The following PHF6 variants were observed in gnomAD, a reference collection of about 807,000 sequenced individuals.
PHF6 encodes the protein PHD-like zinc finger protein.
In PHF6, 7 loss-of-function variants were observed where a neutral mutation model predicts 34.0. The observed-to-expected ratio is 0.21, with a 90% CI of 0.12 to 0.39. PHF6 has a LOEUF of 0.39. Among genes scored for constraint, PHF6 ranks in the 10% least tolerant of loss-of-function variants. PHF6 has a pLI of 1.00. For missense variants in PHF6, 128 were observed against 262.8 expected (o/e 0.49, Z 3.55); for synonymous variants, 89 against 88.4 (o/e 1.01, Z -0.04).
At chrX:134,388,043 A>G (rs1282863887) in intron 3 of PHF6, among the ~76,000 whole-genome samples, 1 of 111,958 alleles carries the variant, frequency 8.9e-6, no homozygotes, top group East Asian at 2.8e-4. Context: ...ATGAGTTCGT[A>G]TTCCACCCTC....
intron 5 of PHF6, among the ~76,000 whole-genome samples, chrX:134,406,643 G>A (rs1048707038): frequency 3.6e-5 from 4 of 111,418 alleles, no homozygotes; most frequent in Non-Finnish European, 7.5e-5. Flanking sequence ...TAATAGAGAG[G>A]GGCCTGGCCA....
intron 5 of PHF6, among the ~76,000 whole-genome samples, chrX:134,407,648 A>G (rs928186668): frequency 8.9e-6 from 1 of 112,572 alleles, no homozygotes; most frequent in African/African-American, 3.2e-5. Flanking sequence ...TATTGAAAGC[A>G]TCTTATGTGC....
chrX:134,401,503 C>T (rs997962467), intron 5 of PHF6, among the ~76,000 whole-genome samples: 2 of 111,763 alleles, frequency 1.8e-5, no homozygotes, highest in African/African-American at 6.5e-5. Flanking sequence ...GTGGTGACAT[C>T]ATGGCTGCAT....
chrX:134,404,650 G>GA (rs1328887173), intron 5 of PHF6, among the ~76,000 whole-genome samples: 3 of 111,631 alleles, frequency 2.7e-5, no homozygotes, highest in Admixed American at 9.6e-5. Flanking sequence ...TTTCACAAAA[G>GA]AAAGAGTCCA....
intron 5 of PHF6, among the ~76,000 whole-genome samples, chrX:134,410,481 T>C (rs1044790600): frequency 1.8e-4 from 20 of 111,629 alleles, no homozygotes; most frequent in Middle Eastern, 4.6e-3. Context: ...ACTATACTTA[T>C]TAACTACTTA....
chrX:134,385,996 A>G lies in PHF6; in HGVS notation c.241-7505A>G, dbSNP rs181209676. Reference sequence around the variant, plus strand: ...GTTTAACCTTAGAAGTATTTAAAGAATGGCACAGGAGAGCTGGGAAAGAGG... The same window carrying G: ...GTTTAACCTTAGAAGTATTTAAAGAGTGGCACAGGAGAGCTGGGAAAGAGG... On this transcript the variant is annotated intron_variant, in intron 3 of 10. Transcript: ENST00000370803. 3.6e-4 allele frequency among the ~76,000 whole-genome samples: 40 copies of G among 111,986 alleles called. No individual in the cohort carries two copies. The East Asian group carries it at 9.3e-3, about 26-fold the overall frequency.
chrX:134,400,484 T>G (rs5933409), intron 5 of PHF6, among the ~76,000 whole-genome samples: 2 of 98,264 alleles, frequency 2.0e-5, no homozygotes, highest in African/African-American at 7.8e-5. Flanking sequence ...AGATTGAAGG[T>G]AAAGGAAAAA....
At chrX:134,379,432 C>CTTTTTTTTTTTTTTTTTTTTTTT (rs34099570) in intron 3 of PHF6, among the ~76,000 whole-genome samples, 4 of 26,274 alleles carry the variant, frequency 1.5e-4, no homozygotes, top group African/African-American at 2.0e-4. Context: ...CTTTTCTTTT[C>CTTTTTTTTTTTTTTTTTTTTTTT]TTTTTTTTTT....
chrX:134,423,872 T>C (rs2124260047), intron 9 of PHF6, among the ~76,000 whole-genome samples: 1 of 110,318 alleles, frequency 9.1e-6, no homozygotes, highest in Non-Finnish European at 1.9e-5. Flanking sequence ...GACATAAAAC[T>C]GAGGAATCGC....
At chrX:134,423,505 G>A (rs1412124344) in intron 9 of PHF6, among the ~76,000 whole-genome samples, 2 of 111,781 alleles carry the variant, frequency 1.8e-5, no homozygotes, top group African/African-American at 3.3e-5. Context: ...CCATTGTGTA[G>A]GAATCTCACT....
In PHF6 at chrX:134,416,925, T is replaced by C. The variant is rs140724033; in HGVS notation, c.835-244T>C. 1.8e-3 allele frequency among the ~76,000 whole-genome samples: 200 copies of C among 112,241 alleles called. 1 individual carries two copies. The highest frequency in any genetic ancestry group is 3.0e-3 in the Non-Finnish European group (161 of 53,257). On this transcript the variant is annotated intron_variant, in intron 8 of 10. Coordinates refer to ENST00000370803, the MANE Select transcript of PHF6 (RefSeq NM_001015877.2). ...TTTGGCAGCATTGAGGAGAATCTTA[T>C]CTACATTTAGATGTCAGACCTGGGA...
chrX:134,426,489 T>C lies in PHF6; in HGVS notation c.*829T>C, dbSNP rs1445155221. 6.1e-6 allele frequency: 1 copy of C among 162,885 alleles called. No individual in the cohort carries two copies. The highest frequency in any genetic ancestry group is 1.2e-5 in the Non-Finnish European group (1 of 83,879). The allele number at this position is 162,885 out of a possible 1,213,427, so 13.4% of individuals were successfully genotyped here. On this transcript the variant is annotated 3_prime_UTR_variant, in exon 11 of 11. Coordinates refer to ENST00000370803, the MANE Select transcript of PHF6 (RefSeq NM_001015877.2). The stretch of plus-strand genomic sequence containing the variant: ...CCTGTTCCTCTCAAGTGCCCTGTTG[T>C]GTGGAACACTTCACATATTGGCGCA...
In PHF6 at chrX:134,426,673, C is replaced by T. The variant is rs760623011; in HGVS notation, c.*1013C>T. ...TATCTATAAAATAGGCTTTTGTGCC[C>T]TACTTTTCTTCTTGTAGGGCTTGGT... On this transcript the variant is annotated 3_prime_UTR_variant, in exon 11 of 11. Coordinates refer to ENST00000370803, the MANE Select transcript of PHF6 (RefSeq NM_001015877.2). The T allele has an allele frequency of 6.3e-6, 1 of 159,681 alleles. No homozygotes were observed. The highest frequency in any genetic ancestry group is 1.2e-5 in the Non-Finnish European group (1 of 82,410). The allele number at this position is 159,681 out of a possible 1,213,427, so 13.2% of individuals were successfully genotyped here. A position where few individuals can be genotyped will look rare whatever the true frequency, so the allele number is the denominator to read the frequency against.
At chrX:134,409,633 ATTTTGTTGGGTTTATTGTACCTTT>A (rs987735777) in intron 5 of PHF6, among the ~76,000 whole-genome samples, 40 of 107,333 alleles carry the variant, frequency 3.7e-4, no homozygotes, top group African/African-American at 1.4e-3. Flanking sequence ...TCTAACACGT[ATTTTGTTGGGTTTATTGTACCTTT>A]TTTTTTTTTA....
At chrX:134,380,688 A>C (rs890373651) in intron 3 of PHF6, among the ~76,000 whole-genome samples, 5 of 111,709 alleles carry the variant, frequency 4.5e-5, no homozygotes, top group African/African-American at 1.6e-4. Context: ...TAAGTTATTT[A>C]CTTCTCCAGG....
In PHF6 at chrX:134,406,061, T is replaced by TC. The variant is rs1491120309; in HGVS notation, c.419-7430_419-7429insC. ...TCAATCTTAATGCCTGTCCTTTTTCTTTTTCTTTCTTTCTTTCTTTCTTTC... is the reference window on the plus strand; with the variant it reads ...TCAATCTTAATGCCTGTCCTTTTTCTCTTTTCTTTCTTTCTTTCTTTCTTTC... On this transcript the variant is annotated intron_variant, in intron 5 of 10. Coordinates refer to ENST00000370803, the MANE Select transcript of PHF6 (RefSeq NM_001015877.2). Among the ~76,000 whole-genome samples, 774 of 77,634 alleles carry TC rather than the reference T, an allele frequency of 1.0e-2. 3 individuals carry two copies. The highest frequency in any genetic ancestry group is 0.031 in the South Asian group (46 of 1,479). 67.4% of individuals were successfully genotyped at this position (77,634 alleles called of 115,157 possible). A position where few individuals can be genotyped will look rare whatever the true frequency, so the allele number is the denominator to read the frequency against.
rs2077507571 is a variant in PHF6, at chrX:134,426,380, C to T, written c.*720C>T. On this transcript the variant is annotated 3_prime_UTR_variant, in exon 11 of 11. Transcript: ENST00000370803. The stretch of plus-strand genomic sequence containing the variant: ...ATTGAGTCCTTCAAGTTTAAACTAA[C>T]ATTTGGCAACAGCAAATTAAACGTT... 1 of 157,905 alleles carries T rather than the reference C, an allele frequency of 6.3e-6. No homozygotes were observed. The highest frequency in any genetic ancestry group is 1.2e-5 in the Non-Finnish European group (1 of 80,969). The allele number at this position is 157,905 out of a possible 1,213,427, so 13.0% of individuals were successfully genotyped here.
At chrX:134,374,781 T>C (rs1014227813) in intron 1 of PHF6, among the ~76,000 whole-genome samples, 4 of 112,485 alleles carry the variant, frequency 3.6e-5, no homozygotes, top group Admixed American at 1.9e-4. Context: ...TTATTTTTTT[T>C]CCAGGCATTT....
intron 1 of PHF6, among the ~76,000 whole-genome samples, chrX:134,375,928 TTCAA>T (rs2077276537): frequency 9.0e-6 from 1 of 111,605 alleles, no homozygotes; most frequent in Non-Finnish European, 1.9e-5. Flanking sequence ...GCTGCCTGTT[TTCAA>T]TCAGTTTCAC....
Sources: allele counts gnomAD v4.1 joint callset (sites outside exome capture counted in the v4.1 genomes callset), GRCh38; gene constraint gnomAD v4.1.1; transcripts MANE v1.5; gene names NCBI Gene and HGNC (gene_info 2026-07-23, HGNC 2026-07-21).